The following RBFOX1 variants were observed in gnomAD, a reference collection of about 807,000 sequenced individuals.
RBFOX1 encodes RNA binding fox-1 homolog 1, also known as RNA binding protein fox-1 homolog 1.
RBFOX1 carries 8 observed loss-of-function variants against 57.7 expected under a neutral mutation model. That is an observed-to-expected ratio of 0.14 (90% confidence interval 0.08 to 0.25). RBFOX1 has a LOEUF of 0.25. RBFOX1 is among the 10% of genes least tolerant of loss of function. The pLI is 1.00. For missense variants in RBFOX1, 611 were observed against 548.5 expected (o/e 1.11, Z -1.14); for synonymous variants, 326 against 222.4 (o/e 1.47, Z -4.15).
At chr16:5,694,679 C>T (rs1030123063) in intron 3 of RBFOX1, among the ~76,000 whole-genome samples, 2 of 151,962 alleles carry the variant, frequency 1.3e-5, no homozygotes, top group South Asian at 4.2e-4. Flanking sequence ...AATGATACCT[C>T]TTAGGGAGAC....
intron 2 of RBFOX1, among the ~76,000 whole-genome samples, chr16:6,354,160 G>C (rs776786896): frequency 8.6e-5 from 13 of 152,024 alleles, no homozygotes; most frequent in Admixed American, 4.6e-4. Context: ...GTGGATGTTG[G>C]AGTGAGCCGA....
chr16:6,801,932 C>T (rs986650665), intron 3 of RBFOX1, among the ~76,000 whole-genome samples: 2 of 152,042 alleles, frequency 1.3e-5, no homozygotes, highest in Admixed American at 1.3e-4. Flanking sequence ...TCTGGACCTT[C>T]AGTAAATTTA....
At chr16:5,820,570 T>C (rs750805461) in intron 3 of RBFOX1, among the ~76,000 whole-genome samples, 28 of 152,274 alleles carry the variant, frequency 1.8e-4, no homozygotes, top group South Asian at 8.3e-4. Flanking sequence ...CCCCACCTGC[T>C]TTTGTGTTTT....
intron 4 of RBFOX1, among the ~76,000 whole-genome samples, chr16:7,397,155 C>A (rs747488107): frequency 3.9e-5 from 6 of 152,120 alleles, no homozygotes; most frequent in African/African-American, 1.4e-4. Flanking sequence ...ATTGTAAGAT[C>A]TTTTACCAAA....
At chr16:7,686,315 G>T (rs1160602143) in intron 14 of RBFOX1, among the ~76,000 whole-genome samples, 1 of 151,962 alleles carries the variant, frequency 6.6e-6, no homozygotes, top group African/African-American at 2.4e-5. Flanking sequence ...CATAGGTTGG[G>T]GAATAGAAAT....
intron 3 of RBFOX1, among the ~76,000 whole-genome samples, chr16:6,851,822 C>T (rs1286137221): frequency 6.6e-6 from 1 of 152,284 alleles, no homozygotes; most frequent in Admixed American, 6.5e-5. Context: ...AAGGCGCAGA[C>T]ATGGATGATG....
intron 2 of RBFOX1, among the ~76,000 whole-genome samples, chr16:5,548,804 A>C (rs1035947451): frequency 6.6e-6 from 1 of 152,178 alleles, no homozygotes; most frequent in African/African-American, 2.4e-5. Context: ...ACTAAATTCA[A>C]CCTTCTCTCA....
intron 4 of RBFOX1, among the ~76,000 whole-genome samples, chr16:5,989,419 C>G (rs1262005960): frequency 6.6e-6 from 1 of 152,100 alleles, no homozygotes; most frequent in African/African-American, 2.4e-5. Context: ...GCAGGAAGAA[C>G]TTAGCATGGA....
chr16:5,463,434 A>G (rs1297900140), intron 1 of RBFOX1, among the ~76,000 whole-genome samples: 2 of 152,178 alleles, frequency 1.3e-5, no homozygotes, highest in South Asian at 2.1e-4. Flanking sequence ...TTCTAAATGA[A>G]AAAATAAAAT....
At chr16:6,000,588 C>G (rs565555049) in intron 4 of RBFOX1, among the ~76,000 whole-genome samples, 19 of 152,172 alleles carry the variant, frequency 1.2e-4, no homozygotes, top group African/African-American at 4.6e-4. Flanking sequence ...GCCTCTAGAA[C>G]AGTGCCAGGA....
Position 6,034,671 on chromosome 16 carries a change from C to G in RBFOX1, c.-127+14679C>G, listed in dbSNP as rs139547346. On this transcript the variant is annotated intron_variant, in intron 1 of 15. Transcript: ENST00000550418. ...CGTGAATTTTGGCGGGGACACAAAC[C>G]TTCATACCGTAACAGAATGTTTTGC... Among the ~76,000 whole-genome samples the G allele has an allele frequency of 2.6e-3, 403 of 152,260 alleles. 1 individual carries two copies. Among genetic ancestry groups the G allele is most frequent in the African/African-American group, 9.3e-3 (386 of 41,550 alleles).
chr16:6,354,472 T>C (rs1426358723), intron 2 of RBFOX1, among the ~76,000 whole-genome samples: 1 of 152,112 alleles, frequency 6.6e-6, no homozygotes, highest in African/African-American at 2.4e-5. Context: ...AACGCTGTCT[T>C]GATCAGGTTG....
At chr16:5,488,179 G>T (rs1185439761) in intron 2 of RBFOX1, among the ~76,000 whole-genome samples, 3 of 92,158 alleles carry the variant, frequency 3.3e-5, no homozygotes, top group South Asian at 5.8e-4. Context: ...AAAGACGGTG[G>T]TGATGGCAGA....
At chr16:5,520,852 G>T (rs1359450696) in intron 2 of RBFOX1, among the ~76,000 whole-genome samples, 1 of 152,154 alleles carries the variant, frequency 6.6e-6, no homozygotes, top group Non-Finnish European at 1.5e-5. Flanking sequence ...TGGCCTCTTT[G>T]ATCAAGTTTC....
chr16:6,030,510 A>T (rs1399314497), intron 1 of RBFOX1, among the ~76,000 whole-genome samples: 1 of 152,066 alleles, frequency 6.6e-6, no homozygotes, highest in Admixed American at 6.6e-5. Context: ...TTCTCTTTTT[A>T]TTGTGATGTA....
At chr16:5,941,786 C>G (rs1424433091) in intron 4 of RBFOX1, among the ~76,000 whole-genome samples, 3 of 151,974 alleles carry the variant, frequency 2.0e-5, no homozygotes, top group African/African-American at 7.2e-5. Flanking sequence ...CTCATAGCTT[C>G]TCACTGGGTC....
At chr16:6,736,281 G>A (rs1248265701) in intron 3 of RBFOX1, among the ~76,000 whole-genome samples, 1 of 152,024 alleles carries the variant, frequency 6.6e-6, no homozygotes, top group Non-Finnish European at 1.5e-5. Context: ...ACCCATCACT[G>A]CATCATATTG....
At chr16:5,792,805 T>C (rs901495214) in intron 3 of RBFOX1, among the ~76,000 whole-genome samples, 11 of 152,106 alleles carry the variant, frequency 7.2e-5, no homozygotes, top group Middle Eastern at 3.2e-3. Context: ...ATCGTGCCAC[T>C]GCACTCCAGC....
intron 4 of RBFOX1, among the ~76,000 whole-genome samples, chr16:7,449,369 T>TG (rs1371508635): frequency 6.6e-6 from 1 of 152,146 alleles, no homozygotes; most frequent in Non-Finnish European, 1.5e-5. Flanking sequence ...AAGTAGTCAG[T>TG]GGGGGAGAAT....
Sources: gnomAD v4.1 joint callset for allele counts (sites outside exome capture counted in the v4.1 genomes callset) on GRCh38, gnomAD v4.1.1 for gene constraint, MANE v1.5 for transcripts, NCBI Gene and HGNC (gene_info 2026-07-23, HGNC 2026-07-21) for gene names.